EPHA6: variants seen among roughly 807,000 people sequenced by gnomAD.
EPHA6 encodes the protein ephrin type-A receptor 6.
EPHA6 carries 50 observed loss-of-function variants against 112.0 expected under a neutral mutation model. The ratio of observed to expected loss-of-function variants is 0.45; its 90% CI spans 0.36 to 0.56. The LOEUF (loss-of-function observed/expected upper bound fraction) is 0.56. Among genes scored for constraint, EPHA6 ranks in the 20% least tolerant of loss-of-function variants. EPHA6 has a pLI of 0.00. For synonymous variants in EPHA6, 529 were observed against 490.7 expected, an observed-to-expected ratio of 1.08 and a Z score of -1.03; for missense variants, 1,280 against 1,417.4, an observed-to-expected ratio of 0.90 and a Z score of 1.56.
intron 4 of EPHA6, among the ~76,000 whole-genome samples, chr3:97,232,387 A>G (rs1477420082): frequency 5.3e-5 from 8 of 152,094 alleles, no homozygotes; most frequent in Non-Finnish European, 1.2e-4. Flanking sequence ...AATTCAAACT[A>G]TTAGAAATTT....
intron 3 of EPHA6, among the ~76,000 whole-genome samples, chr3:97,127,290 C>T (rs1317701616): frequency 6.6e-6 from 1 of 152,130 alleles, no homozygotes; most frequent in East Asian, 1.9e-4. Flanking sequence ...TGTGTCTTCA[C>T]TGATAAGGAT....
At chr3:97,364,263 T>C (rs1245540032) in intron 5 of EPHA6, among the ~76,000 whole-genome samples, 1 of 151,948 alleles carries the variant, frequency 6.6e-6, no homozygotes, top group Non-Finnish European at 1.5e-5. Flanking sequence ...AGTCTAATTT[T>C]AGCAATTATT....
intron 3 of EPHA6, among the ~76,000 whole-genome samples, chr3:97,183,886 A>G (rs1453576073): frequency 1.3e-5 from 2 of 152,126 alleles, no homozygotes. Flanking sequence ...ACAGCAGTTC[A>G]GCAACAAGAT....
intron 3 of EPHA6, among the ~76,000 whole-genome samples, chr3:97,005,738 A>G (rs769439361): frequency 6.6e-6 from 1 of 152,200 alleles, no homozygotes; most frequent in Non-Finnish European, 1.5e-5. Context: ...ATTCAATATG[A>G]TAATGGCTAT....
chr3:97,152,699 C>A (rs1426244432), intron 3 of EPHA6, among the ~76,000 whole-genome samples: 1 of 152,070 alleles, frequency 6.6e-6, no homozygotes, highest in Admixed American at 6.6e-5. Flanking sequence ...TTAAAGCCAA[C>A]AATGAGAATG....
intron 5 of EPHA6, among the ~76,000 whole-genome samples, chr3:97,328,926 A>G (rs2082625181): frequency 6.6e-6 from 1 of 152,086 alleles, no homozygotes; most frequent in Non-Finnish European, 1.5e-5. Flanking sequence ...GTAACTCGTC[A>G]TATAACATTA....
intron 2 of EPHA6, among the ~76,000 whole-genome samples, chr3:96,938,727 G>A (rs9845865): frequency 0.19 from 27,802 of 149,744 alleles, 4,319 homozygotes; most frequent in African/African-American, 0.39. Flanking sequence ...CCCATTCAGT[G>A]TGATATTGGC....
At chr3:96,913,215 A>C (rs200271798) in intron 2 of EPHA6, among the ~76,000 whole-genome samples, 47 of 123,114 alleles carry the variant, frequency 3.8e-4, no homozygotes, top group African/African-American at 1.2e-3. Context: ...CACACACACC[A>C]CACACACGGG....
At chr3:96,826,175 T>C (rs1363594219) in intron 1 of EPHA6, among the ~76,000 whole-genome samples, 2 of 152,072 alleles carry the variant, frequency 1.3e-5, no homozygotes, top group Non-Finnish European at 2.9e-5. Flanking sequence ...CCAGATTATA[T>C]ATCATAAGTC....
rs1054381618 is a variant in EPHA6 at position 97,493,869 on chromosome 3, G to A, written c.2200+9810G>A. Among the ~76,000 whole-genome samples the A allele has an allele frequency of 3.3e-5, 5 of 152,160 alleles. No homozygotes were observed. In the East Asian group the frequency reaches 9.6e-4, roughly 29 times the overall value. On this transcript the variant is annotated intron_variant, in intron 10 of 17. Transcript: ENST00000389672. The stretch of plus-strand genomic sequence containing the variant: ...GGTTACCACGTGTCCAGAGAGTGGT[G>A]GAGGCACAGGGAAACAGAGAGAGGA...
At position 97,146,679 on chromosome 3, in the gene EPHA6, A is replaced by G. The variant is rs1293542435; in HGVS notation, c.1115-79585A>G. Reference sequence around the variant, plus strand: ...CTTTTTAAAAAATTTTTCATGTTCAATTTTATGCATGTCCTTTAGATTCTA... The same window carrying G: ...CTTTTTAAAAAATTTTTCATGTTCAGTTTTATGCATGTCCTTTAGATTCTA... On this transcript the variant is annotated intron_variant, in intron 3 of 17. Coordinates refer to ENST00000389672, the MANE Select transcript of EPHA6 (RefSeq NM_001080448.3). 3.3e-5 allele frequency among the ~76,000 whole-genome samples: 5 copies of G among 152,050 alleles called. 1 individual carries two copies. The East Asian group carries it at 9.7e-4, about 29-fold the overall frequency.
chr3:97,105,410 C>T (rs576787338), intron 3 of EPHA6, among the ~76,000 whole-genome samples: 1 of 152,186 alleles, frequency 6.6e-6, no homozygotes, highest in African/African-American at 2.4e-5. Context: ...CATTATTTAT[C>T]CAAATGTCAT....
intron 3 of EPHA6, among the ~76,000 whole-genome samples, chr3:97,103,424 T>A (rs2047467205): frequency 6.6e-6 from 1 of 152,124 alleles, no homozygotes; most frequent in South Asian, 2.1e-4. Flanking sequence ...CCTGTTTCTG[T>A]CACCTTTGTC....
chr3:96,866,437 A>C (rs1333071835), intron 1 of EPHA6, among the ~76,000 whole-genome samples: 1 of 152,000 alleles, frequency 6.6e-6, no homozygotes, highest in African/African-American at 2.4e-5. Context: ...AGAATCAAGA[A>C]ATCTGCTTTA....
intron 1 of EPHA6, among the ~76,000 whole-genome samples, chr3:96,854,744 C>CCA (rs1453219398): frequency 3.4e-4 from 51 of 152,126 alleles, no homozygotes; most frequent in African/African-American, 1.2e-3. Context: ...TTCAGACAGA[C>CCA]CACTGAGGCT....
intron 10 of EPHA6, among the ~76,000 whole-genome samples, chr3:97,524,941 A>G (rs1454995522): frequency 6.6e-6 from 1 of 152,120 alleles, no homozygotes; most frequent in Non-Finnish European, 1.5e-5. Context: ...TAAAATCAGA[A>G]ACCAATGAGA....
intron 1 of EPHA6, among the ~76,000 whole-genome samples, chr3:96,825,594 T>C (rs948298443): frequency 2.0e-5 from 3 of 152,058 alleles, no homozygotes; most frequent in Middle Eastern, 3.4e-3. Context: ...TGTTCTTTAA[T>C]ATTTATCTTT....
At chr3:97,278,746 G>T (rs904266471) in intron 5 of EPHA6, among the ~76,000 whole-genome samples, 1 of 152,170 alleles carries the variant, frequency 6.6e-6, no homozygotes, top group Admixed American at 6.5e-5. Context: ...CCTGTAGTGG[G>T]TGTAGGTCCC....
At chr3:97,427,110 T>C (rs1227215634) in intron 6 of EPHA6, among the ~76,000 whole-genome samples, 5 of 152,168 alleles carry the variant, frequency 3.3e-5, no homozygotes, top group African/African-American at 1.2e-4. Context: ...ATTAAATTAG[T>C]TACACCTGTG....
Sources: allele counts gnomAD v4.1 joint callset (sites outside exome capture counted in the v4.1 genomes callset), GRCh38; gene constraint gnomAD v4.1.1; transcripts MANE v1.5; gene names NCBI Gene and HGNC (gene_info 2026-07-23, HGNC 2026-07-21).